The following PIK3AP1 variants were observed in gnomAD, a reference collection of about 807,000 sequenced individuals.
PIK3AP1 encodes phosphoinositide 3-kinase adapter protein 1.
Under a neutral mutation model 88.1 loss-of-function variants are expected in PIK3AP1, and 21 were observed. The observed-to-expected ratio is 0.24, with a 90% CI of 0.17 to 0.34. The LOEUF (loss-of-function observed/expected upper bound fraction) is 0.34. Among genes scored for constraint, PIK3AP1 ranks in the 10% least tolerant of loss-of-function variants. PIK3AP1 has a pLI of 1.00. For synonymous variants in PIK3AP1, 398 were observed against 400.0 expected (o/e 1.00, Z 0.06); for missense variants, 828 against 1,035.7 (o/e 0.80, Z 2.75).
chr10:96,673,599 G>T (rs1034654324), intron 2 of PIK3AP1, among the ~76,000 whole-genome samples: 3 of 152,140 alleles, frequency 2.0e-5, no homozygotes, highest in African/African-American at 7.2e-5. Flanking sequence ...ACGCAGGCTT[G>T]TCATGAGGCC....
rs1032024770 is a variant in PIK3AP1 at position 96,688,841 on chromosome 10, C to T, written c.430+20726G>A. On this transcript the variant is annotated intron_variant, in intron 2 of 16. Transcript: ENST00000339364. ...AAAGAAAGAAAGAAAAGAAAATATG[C>T]ATGCATCATAAAGTGGCTAGATCTG... Among the ~76,000 whole-genome samples, 5 of 151,876 alleles carry T rather than the reference C, an allele frequency of 3.3e-5. No homozygotes were observed. The South Asian group carries it at 6.2e-4, about 19-fold the overall frequency.
In PIK3AP1 at chr10:96,670,048, G is replaced by A. The variant is rs566281560; in HGVS notation, c.431-13114C>T. On this transcript the variant is annotated intron_variant, in intron 2 of 16. Transcript: ENST00000339364. ...AAATTAGCCGGGCGTGGTGGCACGC[G>A]CCTGTAGTCCCAGCTACTCGGGAAG... Among the ~76,000 whole-genome samples, 12 of 151,306 alleles carry A rather than the reference G, an allele frequency of 7.9e-5. No individual in the cohort carries two copies. In the South Asian group the frequency reaches 1.9e-3, roughly 24 times the overall value.
chr10:96,619,845 T>C lies in PIK3AP1; in HGVS notation c.1941+507A>G, dbSNP rs374047130. 1.2e-3 allele frequency among the ~76,000 whole-genome samples: 188 copies of C among 152,324 alleles called. 1 individual carries two copies. The highest frequency in any genetic ancestry group is 4.1e-3 in the African/African-American group (171 of 41,574). Reference sequence around the variant, plus strand: ...GTCCTTGCATTTATATACATGTCCATAGAAATACAGAGTTTGTGTGTGGAC... The same window carrying C: ...GTCCTTGCATTTATATACATGTCCACAGAAATACAGAGTTTGTGTGTGGAC... On this transcript the variant is annotated intron_variant, in intron 12 of 16. Coordinates refer to ENST00000339364, the MANE Select transcript of PIK3AP1 (RefSeq NM_152309.3).
At chr10:96,703,326 G>C (rs1178191743) in intron 2 of PIK3AP1, among the ~76,000 whole-genome samples, 1 of 152,162 alleles carries the variant, frequency 6.6e-6, no homozygotes, top group Admixed American at 6.5e-5. Flanking sequence ...TGGGTACCAT[G>C]AGAGCTTCTG....
chr10:96,603,559 A>G (rs1051176939), intron 15 of PIK3AP1, among the ~76,000 whole-genome samples: 1 of 151,916 alleles, frequency 6.6e-6, no homozygotes, highest in African/African-American at 2.4e-5. Flanking sequence ...CTGCCCTCAA[A>G]CACTGGACTC....
chr10:96,619,140 C>A (rs996075164), intron 12 of PIK3AP1, among the ~76,000 whole-genome samples: 1 of 152,176 alleles, frequency 6.6e-6, no homozygotes, highest in Non-Finnish European at 1.5e-5. Flanking sequence ...ATTTCATATG[C>A]GTGTATGAGG....
rs1589515449 is a variant in PIK3AP1, at chr10:96,651,349, G to A, written c.887C>T (p.Thr296Ile). 1 of 1,614,160 alleles carries A rather than the reference G, an allele frequency of 6.2e-7. No homozygotes were observed. ...AFKIVPYNTE[T>I]LDKLLTESLK... ...GGATTCGGTTAGCAGTTTATCAAGG[G>A]TCTCTGTGTTGTAGGGCACAATTTT... is the stretch of plus-strand genomic sequence containing the variant. Residue 296 changes from threonine (T) to isoleucine (I), a missense_variant, in exon 6 of 17, where the codon ACC becomes ATC. Coordinates refer to ENST00000339364, the MANE Select transcript of PIK3AP1 (RefSeq NM_152309.3).
chr10:96,663,643 A>AAG (rs1554959802), intron 2 of PIK3AP1, among the ~76,000 whole-genome samples: 1 of 150,822 alleles, frequency 6.6e-6, no homozygotes, highest in Non-Finnish European at 1.5e-5. Context: ...AAAAAAAAAA[A>AAG]AAAAAAAAAA....
At chr10:96,618,311 G>A (rs11188857) in intron 12 of PIK3AP1, among the ~76,000 whole-genome samples, 38,684 of 151,946 alleles carry the variant, frequency 0.25, 5,159 homozygotes, top group Admixed American at 0.33. Context: ...CAACAACAAC[G>A]ATAACAAAAA....
Position 96,595,477 on chromosome 10 carries a change from G to T in PIK3AP1, c.*100C>A. 1 of 1,274,868 alleles carries T rather than the reference G, an allele frequency of 7.8e-7. No homozygotes were observed. Among genetic ancestry groups the T allele is most frequent in the Non-Finnish European group, 1.1e-6 (1 of 884,646 alleles). The allele number at this position is 1,274,868 out of a possible 1,614,324, so 79.0% of individuals were successfully genotyped here. A position where few individuals can be genotyped will look rare whatever the true frequency, so the allele number is the denominator to read the frequency against. On this transcript the variant is annotated 3_prime_UTR_variant, in exon 17 of 17. Coordinates refer to ENST00000339364, the MANE Select transcript of PIK3AP1 (RefSeq NM_152309.3). ...ATCAGCAATGAGAATGGATCTTAAG[G>T]TCAACAGTCATGCTATAAAACTCAA...
intron 13 of PIK3AP1, among the ~76,000 whole-genome samples, chr10:96,616,023 T>C (rs1849209645): frequency 6.6e-6 from 1 of 152,214 alleles, no homozygotes; most frequent in Admixed American, 6.5e-5. Context: ...CCAGAGGCTC[T>C]CTGTGGGAAG....
rs1843599584 is a variant in PIK3AP1, at chr10:96,655,263, T to A, written c.567+1535A>T. Among the ~76,000 whole-genome samples, 4 of 152,008 alleles carry A rather than the reference T, an allele frequency of 2.6e-5. No individual in the cohort carries two copies. In the South Asian group the frequency reaches 8.3e-4, roughly 32 times the overall value. Reference sequence around the variant, plus strand: ...ACATGTCTGTAATCCCATCATTTTGTGGGGCTGAGGTGAATGGATCACTTG... The same window carrying A: ...ACATGTCTGTAATCCCATCATTTTGAGGGGCTGAGGTGAATGGATCACTTG... On this transcript the variant is annotated intron_variant, in intron 3 of 16. Transcript: ENST00000339364.
At chr10:96,699,578 A>G (rs796624812) in intron 2 of PIK3AP1, among the ~76,000 whole-genome samples, 12 of 152,332 alleles carry the variant, frequency 7.9e-5, no homozygotes, top group African/African-American at 2.6e-4. Flanking sequence ...ACACCATCAC[A>G]GCAGTGACTG....
At chr10:96,645,849 T>C (rs1025957806) in intron 7 of PIK3AP1, among the ~76,000 whole-genome samples, 187 bp from the exon 8 acceptor site, 1 of 152,230 alleles carries the variant, frequency 6.6e-6, no homozygotes, top group African/African-American at 2.4e-5. Flanking sequence ...CCACCTTTTT[T>C]AGTTTATTTC....
chr10:96,627,261 A>G (rs1275988274), intron 9 of PIK3AP1, among the ~76,000 whole-genome samples: 1 of 152,238 alleles, frequency 6.6e-6, no homozygotes, highest in Admixed American at 6.5e-5. Flanking sequence ...GTTCACTGCC[A>G]ACTGTCCAAT....
At chr10:96,622,440 G>T (rs1564958688) in intron 11 of PIK3AP1, among the ~76,000 whole-genome samples, 1 of 152,154 alleles carries the variant, frequency 6.6e-6, no homozygotes, top group Non-Finnish European at 1.5e-5. Flanking sequence ...CTCCATTTGG[G>T]CATTGTGACT....
intron 8 of PIK3AP1, among the ~76,000 whole-genome samples, chr10:96,632,145 G>A (rs1023245063): frequency 2.0e-5 from 3 of 152,278 alleles, no homozygotes; most frequent in African/African-American, 7.2e-5. Context: ...GCTGCAAACC[G>A]AAGGAGACTG....
At chr10:96,645,787 G>T in intron 7 of PIK3AP1, 125 bp from the exon 8 acceptor site, 1 of 755,642 alleles carries the variant, frequency 1.3e-6, no homozygotes, top group Non-Finnish European at 2.1e-6. Flanking sequence ...ACAACTGGTT[G>T]TGTGTATTTG....
In PIK3AP1 at chr10:96,620,341, A is replaced by AAGCT. The variant is rs1180144863; in HGVS notation, c.1941+7_1941+10dup. ...ATAGACATGAAACAAATTCCATACG[A>AAGCT]AGCTAGTTACCTGCTGGAAACGAAA... On this transcript the variant is annotated intron_variant, in intron 12 of 16. Transcript: ENST00000339364. 2.5e-6 allele frequency: 4 copies of AAGCT among 1,613,178 alleles called. No individual in the cohort carries two copies. Among genetic ancestry groups the AAGCT allele is most frequent in the Non-Finnish European group, 3.4e-6 (4 of 1,179,362 alleles).
Sources: allele counts gnomAD v4.1 joint callset (sites outside exome capture counted in the v4.1 genomes callset), GRCh38; gene constraint gnomAD v4.1.1; transcripts MANE v1.5; gene names NCBI Gene and HGNC (gene_info 2026-07-23, HGNC 2026-07-21).